The following PTPRG variants were observed in gnomAD, a reference collection of about 807,000 sequenced individuals.
PTPRG encodes receptor-type tyrosine-protein phosphatase gamma.
Under a neutral mutation model 165.3 loss-of-function variants are expected in PTPRG, and 102 were observed. That is an observed-to-expected ratio of 0.62 (90% CI 0.53 to 0.73). PTPRG has a LOEUF of 0.73. Ranked by LOEUF, PTPRG falls within the 30% of genes least tolerant of loss-of-function variation. The pLI is 0.00. For synonymous variants in PTPRG, 675 were observed against 669.5 expected (o/e 1.01, Z -0.13); for missense variants, 1,866 against 1,861.4 (o/e 1.00, Z -0.05).
intron 28 of PTPRG, among the ~76,000 whole-genome samples, chr3:62,287,476 G>A (rs147920679): frequency 1.3e-4 from 19 of 151,966 alleles, no homozygotes; most frequent in African/African-American, 4.6e-4. Context: ...GAACAAATTC[G>A]GCCTAAGAAT....
At chr3:62,285,080 C>T (rs1365918267) in intron 28 of PTPRG, among the ~76,000 whole-genome samples, 6 of 151,974 alleles carry the variant, frequency 3.9e-5, no homozygotes, top group Non-Finnish European at 8.8e-5. Context: ...CATGTCACAC[C>T]ATAATTATTT....
intron 2 of PTPRG, among the ~76,000 whole-genome samples, chr3:61,859,801 CACA>C (rs2037211425): frequency 6.6e-6 from 1 of 152,058 alleles, no homozygotes; most frequent in Non-Finnish European, 1.5e-5. Flanking sequence ...TACTGCTGCC[CACA>C]ACATTTAAAC....
chr3:62,274,801 ATAAT>A (rs1702180722), intron 23 of PTPRG, among the ~76,000 whole-genome samples: 1 of 152,190 alleles, frequency 6.6e-6, no homozygotes, highest in Admixed American at 6.6e-5. Flanking sequence ...AAACCATGAG[ATAAT>A]TAATAATGAG....
chr3:62,037,067 C>G (rs1699969561), intron 4 of PTPRG, among the ~76,000 whole-genome samples: 1 of 152,050 alleles, frequency 6.6e-6, no homozygotes, highest in Non-Finnish European at 1.5e-5. Flanking sequence ...ATAATCTTTG[C>G]TTGCATTATC....
intron 14 of PTPRG, among the ~76,000 whole-genome samples, chr3:62,236,602 T>A (rs1447238539): frequency 6.6e-6 from 1 of 152,230 alleles, no homozygotes; most frequent in Admixed American, 6.5e-5. Flanking sequence ...CTGCCCTCTC[T>A]AGTCTGCAAT....
At chr3:61,740,315 G>C (rs1006687846) in intron 1 of PTPRG, among the ~76,000 whole-genome samples, 3 of 152,138 alleles carry the variant, frequency 2.0e-5, no homozygotes, top group Non-Finnish European at 4.4e-5. Context: ...GATGCCGTGA[G>C]CCCAAATTTT....
At chr3:62,007,029 T>TA (rs2041314168) in intron 4 of PTPRG, among the ~76,000 whole-genome samples, 1 of 152,196 alleles carries the variant, frequency 6.6e-6, no homozygotes, top group Non-Finnish European at 1.5e-5. Flanking sequence ...TACCTTGCCT[T>TA]ATGTGTAACA....
chr3:61,963,921 G>T (rs975929185), intron 2 of PTPRG, among the ~76,000 whole-genome samples: 1 of 152,044 alleles, frequency 6.6e-6, no homozygotes, highest in African/African-American at 2.4e-5. Context: ...GAATTTGGTA[G>T]AAATTTTGGT....
chr3:61,787,933 CTT>C (rs917094031), intron 2 of PTPRG, among the ~76,000 whole-genome samples: 3 of 152,126 alleles, frequency 2.0e-5, no homozygotes, highest in African/African-American at 7.2e-5. Flanking sequence ...CCAGTGGTGT[CTT>C]TTTTTCTTGA....
intron 1 of PTPRG, among the ~76,000 whole-genome samples, chr3:61,698,943 C>G (rs191286620): frequency 2.0e-5 from 3 of 152,124 alleles, no homozygotes; most frequent in African/African-American, 4.8e-5. Flanking sequence ...ACTGCATGCT[C>G]TCACTCATAG....
At chr3:61,983,392 G>C (rs1411742976) in intron 2 of PTPRG, among the ~76,000 whole-genome samples, 7 of 152,134 alleles carry the variant, frequency 4.6e-5, no homozygotes, top group Non-Finnish European at 1.0e-4. Flanking sequence ...ACAAAATGCA[G>C]AGTAATAAGC....
At chr3:62,000,300 A>AT (rs1301621493) in intron 3 of PTPRG, among the ~76,000 whole-genome samples, 1 of 147,156 alleles carries the variant, frequency 6.8e-6, no homozygotes, top group African/African-American at 2.5e-5. Flanking sequence ...AAAAAAAAAA[A>AT]GTCCTTACCA....
At position 61,754,162 on chromosome 3, in the gene PTPRG, T is replaced by C. The variant is rs373582650; in HGVS notation, c.190+5180T>C. On this transcript the variant is annotated intron_variant, in intron 2 of 29. Coordinates refer to ENST00000474889, the MANE Select transcript of PTPRG (RefSeq NM_002841.4). ...AATTCCCCGTAAGACATTTCTGGCA[T>C]TGGGCTGGGTGAAGGTCAAGCAGGA... 5.5e-4 allele frequency among the ~76,000 whole-genome samples: 84 copies of C among 152,244 alleles called. 3 individuals carry two copies. In the South Asian group the frequency reaches 0.017, roughly 31 times the overall value.
intron 2 of PTPRG, among the ~76,000 whole-genome samples, chr3:61,946,739 C>T (rs140896538): frequency 1.4e-4 from 22 of 152,340 alleles, no homozygotes; most frequent in African/African-American, 5.3e-4. Flanking sequence ...TTGCTCTCTT[C>T]TGTTGCAGAA....
intron 4 of PTPRG, among the ~76,000 whole-genome samples, chr3:62,057,879 G>A (rs144673895): frequency 2.0e-4 from 30 of 152,236 alleles, no homozygotes; most frequent in African/African-American, 7.0e-4. Flanking sequence ...GGGTATTTCC[G>A]TGAAGTGCAA....
intron 4 of PTPRG, among the ~76,000 whole-genome samples, chr3:62,042,532 T>C (rs913118907): frequency 3.9e-5 from 6 of 152,174 alleles, no homozygotes; most frequent in African/African-American, 1.2e-4. Context: ...GGTGTTCTTT[T>C]GCCTGAAATT....
intron 15 of PTPRG, among the ~76,000 whole-genome samples, chr3:62,249,451 A>G (rs1701361238): frequency 6.6e-6 from 1 of 152,078 alleles, no homozygotes; most frequent in Non-Finnish European, 1.5e-5. Flanking sequence ...TGACCCAAGT[A>G]CTATGCTAGG....
intron 2 of PTPRG, among the ~76,000 whole-genome samples, chr3:61,780,320 G>A (rs1435383815): frequency 1.3e-5 from 2 of 152,120 alleles, no homozygotes; most frequent in Non-Finnish European, 2.9e-5. Context: ...CTTGAGTGGG[G>A]GGCAGGCAGC....
chr3:61,929,722 C>G (rs1385140375), intron 2 of PTPRG, among the ~76,000 whole-genome samples: 2 of 152,304 alleles, frequency 1.3e-5, no homozygotes, highest in African/African-American at 2.4e-5. Context: ...GTGTAGATGT[C>G]TACCGCTCTA....
Sources: allele counts gnomAD v4.1 joint callset (sites outside exome capture counted in the v4.1 genomes callset), GRCh38; gene constraint gnomAD v4.1.1; transcripts MANE v1.5; gene names NCBI Gene and HGNC (gene_info 2026-07-23, HGNC 2026-07-21).